Variants in BICC1 observed in about 807,000 individuals in gnomAD.
The protein encoded by BICC1 is protein bicaudal C homolog 1.
Under a neutral mutation model 111.0 loss-of-function variants are expected in BICC1, and 43 were observed. The ratio of observed to expected loss-of-function variants is 0.39; its 90% CI spans 0.30 to 0.50. BICC1 has a LOEUF of 0.50. BICC1 is among the 20% of genes least tolerant of loss of function. The pLI, the probability that BICC1 is intolerant of heterozygous loss-of-function variation, is 0.88. For synonymous variants in BICC1, 467 were observed against 434.4 expected (o/e 1.07, Z -0.93); for missense variants, 1,091 against 1,203.2 (o/e 0.91, Z 1.38).
intron 1 of BICC1, among the ~76,000 whole-genome samples, chr10:58,544,195 CCAA>C (rs1299173052): frequency 2.0e-5 from 3 of 151,992 alleles, no homozygotes; most frequent in Non-Finnish European, 4.4e-5. Context: ...TAAAATGCAC[CCAA>C]CAGGAAAAAG....
At chr10:58,701,036 T>G (rs1210728690) in intron 2 of BICC1, among the ~76,000 whole-genome samples, 1 of 152,186 alleles carries the variant, frequency 6.6e-6, no homozygotes, top group Non-Finnish European at 1.5e-5. Context: ...TGAAGTTTGA[T>G]GTATGTGAAC....
chr10:58,531,615 C>A (rs554607060), intron 1 of BICC1, among the ~76,000 whole-genome samples: 140 of 151,798 alleles, frequency 9.2e-4, no homozygotes, highest in African/African-American at 3.2e-3. Context: ...AATTACCTGA[C>A]AAATAGTTTA....
intron 1 of BICC1, among the ~76,000 whole-genome samples, chr10:58,522,759 C>A (rs1842425799): frequency 1.3e-5 from 2 of 152,010 alleles, no homozygotes; most frequent in Non-Finnish European, 2.9e-5. Flanking sequence ...ATCAGTGAAT[C>A]CAGGAGCTGG....
intron 1 of BICC1, among the ~76,000 whole-genome samples, chr10:58,567,611 CTTAT>C (rs2131970204): frequency 6.6e-6 from 1 of 151,882 alleles, no homozygotes; most frequent in South Asian, 2.1e-4. Context: ...CCCCAATTGG[CTTAT>C]TTGACTTTAA....
At chr10:58,676,812 C>G (rs560029215) in intron 2 of BICC1, among the ~76,000 whole-genome samples, 118 of 152,326 alleles carry the variant, frequency 7.7e-4, no homozygotes, top group Admixed American at 4.8e-3. Context: ...TGGCTGGCAT[C>G]TGGCGGGTGT....
chr10:58,590,783 G>T (rs1467883498), intron 1 of BICC1, among the ~76,000 whole-genome samples: 3 of 152,146 alleles, frequency 2.0e-5, no homozygotes, highest in African/African-American at 7.2e-5. Context: ...AGGTATTTTA[G>T]ATTATCTATT....
At chr10:58,729,953 T>A (rs1469392161) in intron 3 of BICC1, among the ~76,000 whole-genome samples, 3 of 152,168 alleles carry the variant, frequency 2.0e-5, no homozygotes, top group Non-Finnish European at 4.4e-5. Context: ...CTTTCTCCCC[T>A]GACCCCACAG....
chr10:58,569,042 G>T (rs1395861280), intron 1 of BICC1, among the ~76,000 whole-genome samples: 1 of 152,006 alleles, frequency 6.6e-6, no homozygotes, highest in East Asian at 1.9e-4. Flanking sequence ...TTTCAGCTTG[G>T]GCCCTTTTAA....
chr10:58,812,858 G>C (rs527304533), intron 17 of BICC1, among the ~76,000 whole-genome samples: 6 of 152,216 alleles, frequency 3.9e-5, no homozygotes, highest in African/African-American at 1.4e-4. Context: ...TTTTTGAAAG[G>C]ACTTGAGATT....
chr10:58,705,136 A>G (rs1249383957), intron 3 of BICC1, among the ~76,000 whole-genome samples: 12 of 152,228 alleles, frequency 7.9e-5, no homozygotes, highest in Non-Finnish European at 1.6e-4. Context: ...TCTCCTCTAA[A>G]GATGTTGGCT....
Position 58,541,550 on chromosome 10 carries a change from C to A in BICC1, c.190+28217C>A, listed in dbSNP as rs1024487229. Among the ~76,000 whole-genome samples the A allele has an allele frequency of 9.9e-5, 15 of 152,054 alleles. 1 individual carries two copies. The highest frequency in any genetic ancestry group is 9.8e-4 in the Admixed American group (15 of 15,258). On this transcript the variant is annotated intron_variant, in intron 1 of 20. Transcript: ENST00000373886. ...CTACAAAACATTGCAGAAAAAATTG[C>A]AGAAAACACAACTAAATGGAAAGAC...
chr10:58,796,291 G>T, intron 9 of BICC1, 49 bp from the exon 10 acceptor site: 5 of 1,521,132 alleles, frequency 3.3e-6, no homozygotes, highest in Non-Finnish European at 4.5e-6. Flanking sequence ...CCCATTCATT[G>T]TAGACTACTT....
intron 2 of BICC1, among the ~76,000 whole-genome samples, chr10:58,634,246 C>A (rs1302926989): frequency 6.6e-6 from 1 of 152,092 alleles, no homozygotes; most frequent in Admixed American, 6.5e-5. Context: ...ACCGCCTCGG[C>A]CTGCCAAAGT....
chr10:58,562,738 T>C (rs1184290980), intron 1 of BICC1, among the ~76,000 whole-genome samples: 1 of 98,382 alleles, frequency 1.0e-5, no homozygotes, highest in Non-Finnish European at 2.0e-5. Flanking sequence ...TTTTATGTAG[T>C]TTTTGTAAGG....
At chr10:58,753,622 T>G (rs927689366) in intron 3 of BICC1, among the ~76,000 whole-genome samples, 1 of 152,170 alleles carries the variant, frequency 6.6e-6, no homozygotes, top group African/African-American at 2.4e-5. Context: ...ATGCCACTTC[T>G]CTGCATCGGC....
intron 1 of BICC1, among the ~76,000 whole-genome samples, chr10:58,610,182 T>G (rs534956533): frequency 1.3e-5 from 2 of 152,330 alleles, no homozygotes; most frequent in South Asian, 2.1e-4. Flanking sequence ...CTCAAATTTT[T>G]GGGAATATAT....
intron 3 of BICC1, among the ~76,000 whole-genome samples, chr10:58,777,082 C>T (rs938276781): frequency 2.0e-5 from 3 of 151,430 alleles, no homozygotes; most frequent in Non-Finnish European, 1.5e-5. Context: ...AATTCTCACA[C>T]TCCTTAAATA....
At chr10:58,813,272 G>T (rs1165505673) in intron 17 of BICC1, among the ~76,000 whole-genome samples, 1 of 152,128 alleles carries the variant, frequency 6.6e-6, no homozygotes, top group African/African-American at 2.4e-5. Flanking sequence ...TGTTTTTATT[G>T]TGGAGAATTT....
chr10:58,743,821 A>G (rs1439812171), intron 3 of BICC1, among the ~76,000 whole-genome samples: 3 of 151,858 alleles, frequency 2.0e-5, no homozygotes, highest in Non-Finnish European at 4.4e-5. Context: ...ATGTTTTAAA[A>G]ATAAAAATGG....
Sources: gnomAD v4.1 joint callset for allele counts (sites outside exome capture counted in the v4.1 genomes callset) on GRCh38, gnomAD v4.1.1 for gene constraint, MANE v1.5 for transcripts, NCBI Gene and HGNC (gene_info 2026-07-23, HGNC 2026-07-21) for gene names.